The following TTC34 variants were observed in gnomAD, a reference collection of about 807,000 sequenced individuals.
TTC34 encodes the protein tetratricopeptide repeat protein 34.
TTC34 carries 44 observed loss-of-function variants against 40.7 expected under a neutral mutation model. The ratio of observed to expected loss-of-function variants is 1.08; its 90% CI spans 0.85 to 1.39. The LOEUF is 1.39. TTC34 is among the 40% of genes most tolerant of loss of function. The pLI is 0.00. For synonymous variants in TTC34, 422 were observed against 398.6 expected (o/e 1.06, Z -0.70); for missense variants, 884 against 838.0 (o/e 1.05, Z -0.68).
chr1:2,751,127 C>A lies in TTC34; in HGVS notation c.2226+32482G>T, dbSNP rs1333577765. Among the ~76,000 whole-genome samples, 4 of 91,510 alleles carry A rather than the reference C, an allele frequency of 4.4e-5. 1 individual carries two copies. Among genetic ancestry groups the A allele is most frequent in the Admixed American group, 2.3e-4 (2 of 8,610 alleles). The allele number at this position is 91,510 out of a possible 152,430, so 60.0% of individuals were successfully genotyped here. ...TGACAGCCTGGAACAGCACCCTGTACCCCCAGGGGAGCATCTGACACCCTG... is the reference window on the plus strand; with the variant it reads ...TGACAGCCTGGAACAGCACCCTGTAACCCCAGGGGAGCATCTGACACCCTG... On this transcript the variant is annotated intron_variant, in intron 6 of 8. Coordinates refer to ENST00000401095, the Ensembl canonical transcript of TTC34.
intron 6 of TTC34, among the ~76,000 whole-genome samples, chr1:2,688,102 G>T: frequency 7.8e-6 from 1 of 128,264 alleles, no homozygotes; most frequent in African/African-American, 3.2e-5. Flanking sequence ...AGGTGCGCAC[G>T]TGACAGCCTG....
In TTC34 at chr1:2,760,517, A is replaced by AC. The variant is rs1219408881; in HGVS notation, c.2226+23091dup. On this transcript the variant is annotated intron_variant, in intron 6 of 8. Transcript: ENST00000401095. ...TGAGCATCTGACAGCCTGGAGCAGC[A>AC]CCCACACCCCCAGGTGAGCATCTGA... Among the ~76,000 whole-genome samples, 29 of 43,350 alleles carry AC rather than the reference A, an allele frequency of 6.7e-4. 1 individual carries two copies. The highest frequency in any genetic ancestry group is 6.3e-3 in the East Asian group (9 of 1,420). 28.4% of individuals were successfully genotyped at this position (43,350 alleles called of 152,430 possible).
intron 6 of TTC34, among the ~76,000 whole-genome samples, chr1:2,758,004 C>A (rs1641563324): frequency 4.8e-4 from 66 of 138,380 alleles, no homozygotes; most frequent in South Asian, 1.2e-3. Context: ...CCCAGGCGAG[C>A]ATCTGACAGC....
chr1:2,645,968 G>A lies in TTC34; in HGVS notation c.2227-405C>T, dbSNP rs538405027. Among the ~76,000 whole-genome samples the A allele has an allele frequency of 2.6e-5, 4 of 152,212 alleles. No individual in the cohort carries two copies. Among genetic ancestry groups the A allele is most frequent in the Admixed American group, 2.6e-4 (4 of 15,292 alleles). On this transcript the variant is annotated intron_variant, in intron 6 of 8. Transcript: ENST00000401095. This position sits in a 1 kb window ranked among gnomAD's most constrained non-coding sequence, Gnocchi z 4.7. ...CCACAGGGGCATCTGTCACCTCACA[G>A]TGGGGGACGCTGGAGCTCCTTGGGT... is the stretch of plus-strand genomic sequence containing the variant.
chr1:2,794,692 G>C (rs564183478), intron 2 of TTC34, among the ~76,000 whole-genome samples: 8 of 152,274 alleles, frequency 5.3e-5, no homozygotes, highest in African/African-American at 1.4e-4. Flanking sequence ...TAAATGGAAG[G>C]CTTCTGAATT....
At chr1:2,652,472 G>C (rs77811310) in intron 6 of TTC34, among the ~76,000 whole-genome samples, 2 of 151,666 alleles carry the variant, frequency 1.3e-5, no homozygotes, top group Non-Finnish European at 2.9e-5. Context: ...ACAGCCTGGA[G>C]CAGAACCCAC....
At position 2,641,718 on chromosome 1, in the gene TTC34, G is replaced by A; in HGVS notation, c.2890C>T (p.Leu964Phe). 2.6e-6 allele frequency: 4 copies of A among 1,535,538 alleles called. No individual in the cohort carries two copies. In the South Asian group the frequency reaches 4.8e-5, roughly 18 times the overall value. Reference sequence around the variant, plus strand: ...TCACCATCCCCCAGCGCCTCCTGGAGCACATGGTCCAGGTCCCTAAGGGCC... The same window carrying A: ...TCACCATCCCCCAGCGCCTCCTGGAACACATGGTCCAGGTCCCTAAGGGCC... Residue 964 changes from leucine to phenylalanine, a missense_variant, in exon 9 of 9, where the codon CTC becomes TTC. Coordinates refer to ENST00000401095, the Ensembl canonical transcript of TTC34.
intron 6 of TTC34, among the ~76,000 whole-genome samples, chr1:2,755,952 T>A (rs1182374135): frequency 3.0e-5 from 2 of 67,240 alleles, no homozygotes; most frequent in Non-Finnish European, 2.5e-5. Flanking sequence ...CACCCCCAGG[T>A]GAGGATCTGA....
At chr1:2,638,628 G>C (rs1638836615) in exon 9 of TTC34, 1 of 152,364 alleles carries the variant, frequency 6.6e-6, no homozygotes, top group South Asian at 2.1e-4. Context: ...TGAGCTCCTG[G>C]AGCGTCAGGA....
At chr1:2,795,396 G>C (rs1056643249) in intron 2 of TTC34, among the ~76,000 whole-genome samples, 1 of 152,218 alleles carries the variant, frequency 6.6e-6, no homozygotes, top group Non-Finnish European at 1.5e-5. Context: ...GAGACTCTAA[G>C]GTGGCCTCAC....
At chr1:2,683,691 A>T (rs1640187071) in intron 6 of TTC34, among the ~76,000 whole-genome samples, 1 of 147,302 alleles carries the variant, frequency 6.8e-6, no homozygotes, top group African/African-American at 2.6e-5. Flanking sequence ...TGACGATCTG[A>T]CAGCCTGGAA....
intron 6 of TTC34, among the ~76,000 whole-genome samples, chr1:2,659,957 G>GAGCC (rs1371193814): frequency 5.3e-5 from 8 of 151,118 alleles, no homozygotes; most frequent in African/African-American, 1.7e-4. Context: ...AGGCCCAGGT[G>GAGCC]TGCCTCTGAC....
At chr1:2,651,965 T>G (rs993898304) in intron 6 of TTC34, among the ~76,000 whole-genome samples, 3 of 150,028 alleles carry the variant, frequency 2.0e-5, no homozygotes, top group Admixed American at 6.6e-5. Flanking sequence ...ACCTTCCACC[T>G]CTAAGTGAGC....
At chr1:2,778,176 C>T (rs182997431) in intron 6 of TTC34, among the ~76,000 whole-genome samples, 2 of 152,330 alleles carry the variant, frequency 1.3e-5, no homozygotes, top group Non-Finnish European at 2.9e-5. Flanking sequence ...TGTCGTCCTC[C>T]TGGCCTCCAG....
intron 6 of TTC34, among the ~76,000 whole-genome samples, chr1:2,652,363 C>T (rs1043626028): frequency 3.7e-4 from 55 of 147,688 alleles, no homozygotes; most frequent in East Asian, 6.0e-4. Context: ...ACAGCACGCA[C>T]ACCCCCAGGT....
intron 5 of TTC34, among the ~76,000 whole-genome samples, chr1:2,785,097 C>T (rs907693702): frequency 6.6e-6 from 1 of 152,324 alleles, no homozygotes; most frequent in African/African-American, 2.4e-5. Context: ...TCTGAATCCC[C>T]ACTTCCACCC....
At chr1:2,783,757 G>T (rs1051039842) in exon 6 of TTC34, 3 of 1,522,432 alleles carry the variant, frequency 2.0e-6, no homozygotes, top group Non-Finnish European at 2.6e-6. Flanking sequence ...GGCAAGGAGG[G>T]ACTCACTTGC....
At chr1:2,653,802 G>C (rs75606868) in intron 6 of TTC34, among the ~76,000 whole-genome samples, 4 of 7,266 alleles carry the variant, frequency 5.5e-4, no homozygotes, top group East Asian at 2.7e-3. Context: ...CTGGAGCAGT[G>C]CCCACACCCC....
At chr1:2,644,602 C>T (rs1409831129) in intron 7 of TTC34, 124 bp from the exon 8 acceptor site, 2 of 1,032,866 alleles carry the variant, frequency 1.9e-6, no homozygotes, top group Admixed American at 2.7e-5. Flanking sequence ...GATGGCTCAG[C>T]CCAGGAAGAA....
Sources: gnomAD v4.1 joint callset for allele counts (sites outside exome capture counted in the v4.1 genomes callset) on GRCh38, gnomAD v4.1.1 for gene constraint, Gnocchi (gnomAD v3.1) non-coding constraint, MANE v1.5 for transcripts, NCBI Gene and HGNC (gene_info 2026-07-23, HGNC 2026-07-21) for gene names.